OR4A47: variants seen among roughly 807,000 people sequenced by gnomAD.
The protein encoded by OR4A47 is olfactory receptor 4A47.
OR4A47 carries 19 observed loss-of-function variants against 16.2 expected under a neutral mutation model. That is an observed-to-expected ratio of 1.17 (90% CI 0.82 to 1.72). OR4A47 has a LOEUF of 1.72. Among genes scored for constraint, OR4A47 ranks in the 40% most tolerant of loss-of-function variants. The probability of loss-of-function intolerance (pLI) is 0.00; values close to 1 mark genes in which losing one functional copy is unlikely to be tolerated. For synonymous variants in OR4A47, 180 were observed against 136.0 expected (o/e 1.32, Z -2.25); for missense variants, 460 against 361.1 (o/e 1.27, Z -2.22).
In OR4A47 at chr11:48,489,383, G is replaced by A. The variant is rs1358825267; in HGVS notation, c.591G>A (p.Val197=). The A allele has an allele frequency of 4.3e-6, 7 of 1,613,386 alleles. No homozygotes were observed. Among genetic ancestry groups the A allele is most frequent in the East Asian group, 2.2e-5 (1 of 44,878 alleles). ...CTDTHAIGLL[V]VANGGLACTI... ...ACACCCATGCTATTGGCCTCTTAGT[G>A]GTGGCCAATGGAGGACTGGCTTGCA... Residue 197 remains valine (V), a synonymous_variant, in exon 1 of 1, where the codon GTG becomes GTA. Coordinates refer to ENST00000446524, the MANE Select transcript of OR4A47 (RefSeq NM_001005512.2).
rs1295531543 is a variant in OR4A47, at chr11:48,489,049, G to A, written c.257G>A (p.Gly86Glu). The change falls in exon 1 of 1, where the codon GGG becomes GAG. Residue 86 changes from glycine to glutamate, a missense_variant. By Grantham distance (98) the Gly-to-Glu change is moderately conservative. Coordinates refer to ENST00000446524, the MANE Select transcript of OR4A47 (RefSeq NM_001005512.2). Reference protein sequence around the residue: ...SPRLISGLFFGNNSISFQSCM... With the variant: ...SPRLISGLFFENNSISFQSCM... ...AGATTGATTTCAGGCTTGTTCTTTGGGAATAATTCCATATCCTTCCAATCT... is the reference window on the plus strand; with the variant it reads ...AGATTGATTTCAGGCTTGTTCTTTGAGAATAATTCCATATCCTTCCAATCT... 1 of 1,613,526 alleles carries A rather than the reference G, an allele frequency of 6.2e-7. No homozygotes were observed. Among genetic ancestry groups the A allele is most frequent in the Non-Finnish European group, 8.5e-7 (1 of 1,179,768 alleles).
At position 48,489,628 on chromosome 11, in the gene OR4A47, T is replaced by A. The variant is rs2134579008; in HGVS notation, c.836T>A (p.Met279Lys). 1.2e-6 allele frequency: 2 copies of A among 1,610,812 alleles called. No homozygotes were observed. The highest frequency in any genetic ancestry group is 8.5e-7 in the Non-Finnish European group (1 of 1,178,894). Reference protein sequence around the residue: ...VSVFYTVITPMLNPLIYTLRN... With the variant: ...VSVFYTVITPKLNPLIYTLRN... ...GTGTTTTATACAGTCATAACCCCAA[T>A]GCTGAACCCCTTAATCTACACTCTG... Residue 279 changes from methionine (M) to lysine (K), a missense_variant, in exon 1 of 1, where the codon ATG (methionine) becomes AAG (lysine). Transcript: ENST00000446524.
Position 48,489,574 on chromosome 11 carries a change from G to C in OR4A47, c.782G>C (p.Arg261Thr), listed in dbSNP as rs777291824. The C allele has an allele frequency of 9.9e-6, 16 of 1,613,810 alleles. No homozygotes were observed. Among genetic ancestry groups the C allele is most frequent in the Middle Eastern group, 3.3e-4 (2 of 6,052 alleles). ...ATTTTTATGTATGCTAGACCTGCTA[G>C]GACCTTCCCCATTGACAAATCAGTG... ...PCIFMYARPARTFPIDKSVSV... is the reference protein window; with the variant it reads ...PCIFMYARPATTFPIDKSVSV... The change falls in exon 1 of 1, where the codon AGG (arginine) becomes ACG (threonine). Residue 261 changes from arginine to threonine, a missense_variant. Arg to Thr is a moderately conservative substitution (Grantham distance 71, BLOSUM62 -1). Transcript: ENST00000446524.
chr11:48,489,502 C>T lies in OR4A47; in HGVS notation c.710C>T (p.Thr237Ile), dbSNP rs73464794. Reference protein sequence around the residue: ...SQKGRQKALSTCSSHMTVVVF... With the variant: ...SQKGRQKALSICSSHMTVVVF... ...AAAGGGAGGCAAAAAGCCCTCTCAA[C>T]CTGCAGTTCCCACATGACTGTGGTT... The change falls in exon 1 of 1, where the codon ACC (threonine) becomes ATC (isoleucine). Residue 237 changes from threonine (T) to isoleucine (I), a missense_variant. Coordinates refer to ENST00000446524, the MANE Select transcript of OR4A47 (RefSeq NM_001005512.2). The T allele has an allele frequency of 2.5e-6, 4 of 1,613,770 alleles. No individual in the cohort carries two copies. Among genetic ancestry groups the T allele is most frequent in the African/African-American group, 1.3e-5 (1 of 74,902 alleles).
chr11:48,489,333 C>G lies in OR4A47; in HGVS notation c.541C>G (p.Pro181Ala). The change falls in exon 1 of 1, where the codon CCC becomes GCC. Residue 181 changes from proline to alanine, a missense_variant. Physicochemically the swap from Pro to Ala is conservative, Grantham distance 27. Transcript: ENST00000446524. ...TGATCATTTTTTCTGTGACATGTAT[C>G]CCTTATTGAAACTGGTCTGCACTGA... ...VIDHFFCDMY[P>A]LLKLVCTDTH... The G allele has an allele frequency of 1.2e-6, 2 of 1,613,800 alleles. No homozygotes were observed. The highest frequency in any genetic ancestry group is 1.7e-6 in the Non-Finnish European group (2 of 1,179,812).
At position 48,489,207 on chromosome 11, in the gene OR4A47, T is replaced by C. The variant is rs1328274537; in HGVS notation, c.415T>C (p.Cys139Arg). The C allele has an allele frequency of 6.2e-7, 1 of 1,613,696 alleles. No individual in the cohort carries two copies. Among genetic ancestry groups the C allele is most frequent in the African/African-American group, 1.3e-5 (1 of 74,918 alleles). Residue 139 changes from cysteine (C) to arginine (R), a missense_variant, in exon 1 of 1, where the codon TGT becomes CGT. Transcript: ENST00000446524. ...HYLVIMRQWV[C>R]VVLLVVSWVG... ...TTTGGTTATCATGAGACAATGGGTG[T>C]GTGTTGTGCTGCTGGTAGTGTCCTG... is the stretch of plus-strand genomic sequence containing the variant.
Position 48,489,424 on chromosome 11 carries a change from T to C in OR4A47, c.632T>C (p.Leu211Pro), listed in dbSNP as rs1852678980. 6.2e-7 allele frequency: 1 copy of C among 1,613,712 alleles called. No individual in the cohort carries two copies. Among genetic ancestry groups the C allele is most frequent in the Non-Finnish European group, 8.5e-7 (1 of 1,179,840 alleles). Residue 211 changes from leucine to proline, a missense_variant, in exon 1 of 1, where the codon CTC becomes CCC. By Grantham distance (98) the Leu-to-Pro change is moderately conservative (BLOSUM62 -3). Transcript: ENST00000446524. ...CTGGCTTGCACTATTGTGTTTCTGC[T>C]CTTACTCATCTCTTATGGTGTCATC... ...GGLACTIVFL[L>P]LLISYGVILH... is the part of the protein sequence containing the mutation.
chr11:48,489,595 C>A lies in OR4A47; in HGVS notation c.803C>A (p.Ser268Ter), dbSNP rs1852683764. 1.2e-6 allele frequency: 2 copies of A among 1,613,722 alleles called. No homozygotes were observed. The highest frequency in any genetic ancestry group is 1.7e-6 in the Non-Finnish European group (2 of 1,179,788). Residue 268 changes from serine (S) to a stop codon, truncating the protein, a stop_gained, in exon 1 of 1, where the codon TCA (serine) becomes TAA (stop). Transcript: ENST00000446524. LOFTEE classifies it high-confidence loss of function. ...RPARTFPIDKSVSVFYTVITP... is the reference protein window; with the variant it reads ...RPARTFPIDK Reference sequence around the variant, plus strand: ...GCTAGGACCTTCCCCATTGACAAATCAGTGAGTGTGTTTTATACAGTCATA... The same window carrying A: ...GCTAGGACCTTCCCCATTGACAAATAAGTGAGTGTGTTTTATACAGTCATA...
chr11:48,489,451 T>A lies in OR4A47; in HGVS notation c.659T>A (p.Leu220Ter). Reference protein sequence around the residue: ...LLLLISYGVILHSLKNLSQKG... With the variant: ...LLLLISYGVI The stretch of plus-strand genomic sequence containing the variant: ...TTACTCATCTCTTATGGTGTCATCT[T>A]GCACTCTTTAAAGAACCTTAGTCAG... Residue 220 changes from leucine to a stop codon, truncating the protein, a stop_gained, in exon 1 of 1, where the codon TTG (leucine) becomes TAG (stop). Coordinates refer to ENST00000446524, the MANE Select transcript of OR4A47 (RefSeq NM_001005512.2). LOFTEE classifies it high-confidence loss of function. 6.2e-7 allele frequency: 1 copy of A among 1,613,842 alleles called. No individual in the cohort carries two copies. The highest frequency in any genetic ancestry group is 8.5e-7 in the Non-Finnish European group (1 of 1,179,828).
chr11:48,489,119 G>T lies in OR4A47; in HGVS notation c.327G>T (p.Glu109Asp), dbSNP rs1243622792. ...LFIEHIFGGS[E>D]VFLLLVMAYD... ...TCGAGCACATTTTCGGTGGGTCAGA[G>T]GTCTTTCTCCTGTTGGTGATGGCCT... The change falls in exon 1 of 1, where the codon GAG becomes GAT. Residue 109 changes from glutamate (E) to aspartate (D), a missense_variant. By Grantham distance (45) the Glu-to-Asp change is conservative (BLOSUM62 2). Transcript: ENST00000446524. 5 of 1,613,736 alleles carry T rather than the reference G, an allele frequency of 3.1e-6. No individual in the cohort carries two copies. The East Asian group carries it at 1.1e-4, about 36-fold the overall frequency.
chr11:48,489,141 G>A lies in OR4A47; in HGVS notation c.349G>A (p.Ala117Thr), dbSNP rs535364101. ...AGAGGTCTTTCTCCTGTTGGTGATG[G>A]CCTATGACTGCTATGTGGCCATCTG... ...GSEVFLLLVMAYDCYVAICKP... is the reference protein window; with the variant it reads ...GSEVFLLLVMTYDCYVAICKP... The change falls in exon 1 of 1, where the codon GCC (alanine) becomes ACC (threonine). Residue 117 changes from alanine to threonine, a missense_variant. Transcript: ENST00000446524. 4.3e-6 allele frequency: 7 copies of A among 1,613,818 alleles called. No homozygotes were observed. In the Admixed American group the frequency reaches 5.0e-5, roughly 12 times the overall value.
Position 48,489,544 on chromosome 11 carries a change from C to T in OR4A47, c.752C>T (p.Pro251Leu), listed in dbSNP as rs1173557852. The part of the protein sequence containing the change: ...HMTVVVFFFV[P>L]CIFMYARPAR... ...ACTGTGGTTGTCTTCTTCTTTGTTC[C>T]TTGTATTTTTATGTATGCTAGACCT... The change falls in exon 1 of 1, where the codon CCT becomes CTT. Residue 251 changes from proline (P) to leucine (L), a missense_variant. Physicochemically the swap from Pro to Leu is moderately conservative, Grantham distance 98. Coordinates refer to ENST00000446524, the MANE Select transcript of OR4A47 (RefSeq NM_001005512.2). 37 of 1,613,742 alleles carry T rather than the reference C, an allele frequency of 2.3e-5. No individual in the cohort carries two copies. Among genetic ancestry groups the T allele is most frequent in the Non-Finnish European group, 3.1e-5 (37 of 1,179,866 alleles).
In OR4A47 at chr11:48,488,841, C is replaced by T. The variant is rs374041434; in HGVS notation, c.49C>T (p.Gln17Ter). 6.6e-5 allele frequency: 107 copies of T among 1,612,512 alleles called. No individual in the cohort carries two copies. The highest frequency in any genetic ancestry group is 8.1e-5 in the Non-Finnish European group (96 of 1,179,196). ...VTDFVLLGFTQNPKEQKVLFV... is the reference protein window; with the variant it reads ...VTDFVLLGFT ...TGACTTTGTCCTCTTGGGCTTCACACAGAATCCAAAGGAGCAGAAAGTACT... is the reference window on the plus strand; with the variant it reads ...TGACTTTGTCCTCTTGGGCTTCACATAGAATCCAAAGGAGCAGAAAGTACT... The change falls in exon 1 of 1, where the codon CAG becomes TAG. Residue 17 changes from glutamine (Q) to a stop codon, truncating the protein, a stop_gained. Coordinates refer to ENST00000446524, the MANE Select transcript of OR4A47 (RefSeq NM_001005512.2). LOFTEE classifies it high-confidence loss of function.
At position 48,489,249 on chromosome 11, in the gene OR4A47, C is replaced by G; in HGVS notation, c.457C>G (p.His153Asp). 1 of 1,613,722 alleles carries G rather than the reference C, an allele frequency of 6.2e-7. No homozygotes were observed. Among genetic ancestry groups the G allele is most frequent in the Non-Finnish European group, 8.5e-7 (1 of 1,179,748 alleles). The change falls in exon 1 of 1, where the codon CAC (histidine) becomes GAC (aspartate). Residue 153 changes from histidine to aspartate, a missense_variant. Coordinates refer to ENST00000446524, the MANE Select transcript of OR4A47 (RefSeq NM_001005512.2). ...LVVSWVGGFL[H>D]SVFQLSIIYG... Reference sequence around the variant, plus strand: ...AGTGTCCTGGGTTGGAGGATTTCTGCACTCAGTATTTCAACTTAGCATTAT... The same window carrying G: ...AGTGTCCTGGGTTGGAGGATTTCTGGACTCAGTATTTCAACTTAGCATTAT...
rs559343895 is a variant in OR4A47 at position 48,489,322 on chromosome 11, G to A, written c.530G>A (p.Cys177Tyr). ...CCCAATGTCATTGATCATTTTTTCT[G>A]TGACATGTATCCCTTATTGAAACTG... is the stretch of plus-strand genomic sequence containing the variant. ...CGPNVIDHFF[C>Y]DMYPLLKLVC... The change falls in exon 1 of 1, where the codon TGT (cysteine) becomes TAT (tyrosine). Residue 177 changes from cysteine to tyrosine, a missense_variant. Cys to Tyr is a radical substitution (Grantham distance 194). Coordinates refer to ENST00000446524, the MANE Select transcript of OR4A47 (RefSeq NM_001005512.2). The A allele has an allele frequency of 6.2e-7, 1 of 1,613,642 alleles. No homozygotes were observed. The highest frequency in any genetic ancestry group is 8.5e-7 in the Non-Finnish European group (1 of 1,179,820).
At position 48,488,822 on chromosome 11, in the gene OR4A47, T is replaced by C. The variant is rs745541857; in HGVS notation, c.30T>C (p.Phe10=). 1 of 1,611,706 alleles carries C rather than the reference T, an allele frequency of 6.2e-7. No homozygotes were observed. The highest frequency in any genetic ancestry group is 1.1e-5 in the South Asian group (1 of 90,796). The change falls in exon 1 of 1, where the codon TTT becomes TTC. Residue 10 remains phenylalanine (F), a synonymous_variant. Transcript: ENST00000446524. MEPRKNVTD[F]VLLGFTQNPK... ...AGCCAAGGAAAAATGTGACTGACTT[T>C]GTCCTCTTGGGCTTCACACAGAATC... is the stretch of plus-strand genomic sequence containing the variant.
chr11:48,489,484 G>A lies in OR4A47; in HGVS notation c.692G>A (p.Arg231Lys). 6.2e-7 allele frequency: 1 copy of A among 1,613,816 alleles called. No individual in the cohort carries two copies. The highest frequency in any genetic ancestry group is 8.5e-7 in the Non-Finnish European group (1 of 1,179,820). The change falls in exon 1 of 1, where the codon AGG becomes AAG. Residue 231 changes from arginine (R) to lysine (K), a missense_variant. By Grantham distance (26) the Arg-to-Lys change is conservative. Coordinates refer to ENST00000446524, the MANE Select transcript of OR4A47 (RefSeq NM_001005512.2). ...TTAAAGAACCTTAGTCAGAAAGGGAGGCAAAAAGCCCTCTCAACCTGCAGT... is the reference window on the plus strand; with the variant it reads ...TTAAAGAACCTTAGTCAGAAAGGGAAGCAAAAAGCCCTCTCAACCTGCAGT... ...HSLKNLSQKG[R>K]QKALSTCSSH... is the part of the protein sequence containing the mutation.
chr11:48,489,473 T>C lies in OR4A47; in HGVS notation c.681T>C (p.Ser227=). 1 of 1,613,822 alleles carries C rather than the reference T, an allele frequency of 6.2e-7. No homozygotes were observed. Among genetic ancestry groups the C allele is most frequent in the Non-Finnish European group, 8.5e-7 (1 of 1,179,832 alleles). ...GVILHSLKNL[S]QKGRQKALST... Reference sequence around the variant, plus strand: ...TCTTGCACTCTTTAAAGAACCTTAGTCAGAAAGGGAGGCAAAAAGCCCTCT... The same window carrying C: ...TCTTGCACTCTTTAAAGAACCTTAGCCAGAAAGGGAGGCAAAAAGCCCTCT... Residue 227 remains serine (S), a synonymous_variant, in exon 1 of 1, where the codon AGT becomes AGC. Coordinates refer to ENST00000446524, the MANE Select transcript of OR4A47 (RefSeq NM_001005512.2).
In OR4A47 at chr11:48,489,159, G is replaced by T; in HGVS notation, c.367G>T (p.Ala123Ser). The T allele has an allele frequency of 1.9e-6, 3 of 1,613,874 alleles. No individual in the cohort carries two copies. The highest frequency in any genetic ancestry group is 1.7e-6 in the Non-Finnish European group (2 of 1,179,876). Residue 123 changes from alanine (A) to serine (S), a missense_variant, in exon 1 of 1, where the codon GCC (alanine) becomes TCC (serine). Ala to Ser is a moderately conservative substitution (Grantham distance 99, BLOSUM62 1). Transcript: ENST00000446524. ...LLVMAYDCYV[A>S]ICKPLHYLVI... ...GGTGATGGCCTATGACTGCTATGTG[G>T]CCATCTGTAAGCCCTTGCATTATTT...
Sources: gnomAD v4.1 joint callset for allele counts on GRCh38, gnomAD v4.1.1 for gene constraint, MANE v1.5 for transcripts, NCBI Gene and HGNC (gene_info 2026-07-23, HGNC 2026-07-21) for gene names.